Variants in RAB43 observed in about 807,000 individuals in gnomAD.
RAB43 encodes RAB43, member RAS oncogene family, also known as ras-related protein Rab-43.
In RAB43, 6 loss-of-function variants were observed where a neutral mutation model predicts 18.8. The ratio of observed to expected loss-of-function variants is 0.32; its 90% CI spans 0.17 to 0.63. The LOEUF (loss-of-function observed/expected upper bound fraction) is 0.63, where lower values mean the gene tolerates loss of function less well. Ranked by LOEUF, RAB43 falls within the 30% of genes least tolerant of loss-of-function variation. The probability of loss-of-function intolerance (pLI) is 0.79; values close to 1 mark genes in which losing one functional copy is unlikely to be tolerated. For missense variants in RAB43, 195 were observed against 289.1 expected (o/e 0.67, Z 2.36); for synonymous variants, 103 against 124.1 (o/e 0.83, Z 1.13).
chr3:129,113,071 C>T (rs57916547), intron 1 of RAB43, among the ~76,000 whole-genome samples: 5,232 of 151,960 alleles, frequency 0.034, 208 homozygotes, highest in East Asian at 0.11. Context: ...ATGAAACCTT[C>T]GGGAAATGCA....
chr3:129,094,990 C>T lies in RAB43; in HGVS notation c.384G>A (p.Leu128=), dbSNP rs778221699. The T allele has an allele frequency of 6.2e-7, 1 of 1,610,528 alleles. No individual in the cohort carries two copies. Among genetic ancestry groups the T allele is most frequent in the Non-Finnish European group, 8.5e-7 (1 of 1,177,910 alleles). ...KYAGSNIVQL[L]IGNKSDLSEL... ...CCCGAGGAATCCCCAACTCACCGAT[C>T]AGCAGCTGCACAATGTTGGAGCCCG... is the stretch of plus-strand genomic sequence containing the variant. The change falls in exon 2 of 3, where the codon CTG becomes CTA. Residue 128 remains leucine (L), a synonymous_variant. Transcript: ENST00000315150.
chr3:129,107,312 G>A lies in RAB43; in HGVS notation c.205-12143C>T, dbSNP rs548799611. Among the ~76,000 whole-genome samples the A allele has an allele frequency of 1.7e-4, 26 of 152,250 alleles. No individual in the cohort carries two copies. Among genetic ancestry groups the A allele is most frequent in the African/African-American group, 4.6e-4 (19 of 41,552 alleles). ...GGCACCTCCTGCAGGAATCAAACCCGTTCCTGAACAGCTTGGATGAGAAAA... is the reference window on the plus strand; with the variant it reads ...GGCACCTCCTGCAGGAATCAAACCCATTCCTGAACAGCTTGGATGAGAAAA... On this transcript the variant is annotated intron_variant, in intron 1 of 2. Coordinates refer to ENST00000315150, the MANE Select transcript of RAB43 (RefSeq NM_198490.3). The surrounding 1 kb of genome is among the most constrained non-coding windows in gnomAD (Gnocchi z 4.2).
At chr3:129,099,311 T>C (rs1281176431) in intron 1 of RAB43, among the ~76,000 whole-genome samples, 13 of 152,024 alleles carry the variant, frequency 8.6e-5, no homozygotes. Context: ...CAGGATGGTC[T>C]TGATCTCCTG....
At chr3:129,111,216 G>C (rs1332064343) in intron 1 of RAB43, among the ~76,000 whole-genome samples, 1 of 151,856 alleles carries the variant, frequency 6.6e-6, no homozygotes, top group Non-Finnish European at 1.5e-5. Flanking sequence ...GCTTCTAGTA[G>C]AGCTTCAAGA....
Position 129,095,603 on chromosome 3 carries a change from G to C in RAB43, c.205-434C>G, listed in dbSNP as rs141270407. Among the ~76,000 whole-genome samples, 317 of 152,336 alleles carry C rather than the reference G, an allele frequency of 2.1e-3. 1 individual carries two copies. The highest frequency in any genetic ancestry group is 0.015 in the South Asian group (71 of 4,832). ...CTACAAGAGCATCACGTACCCAGCT[G>C]TGTGTGAGGCTCCTCCAGCATTAGG... On this transcript the variant is annotated intron_variant, in intron 1 of 2. Transcript: ENST00000315150. This position sits in a 1 kb window ranked among gnomAD's most constrained non-coding sequence, Gnocchi z 4.2.
chr3:129,106,650 C>T (rs1934802212), intron 1 of RAB43, among the ~76,000 whole-genome samples: 3 of 152,144 alleles, frequency 2.0e-5, no homozygotes, highest in African/African-American at 4.8e-5. Flanking sequence ...GCTGGACCAG[C>T]GACACAGGCT....
chr3:129,100,248 A>AG (rs1176812404), intron 1 of RAB43, among the ~76,000 whole-genome samples: 1 of 152,044 alleles, frequency 6.6e-6, no homozygotes, highest in Admixed American at 6.6e-5. Flanking sequence ...GAAAGAAAAA[A>AG]CTCTCAATGC....
At chr3:129,093,992 A>G (rs1933849788) in intron 2 of RAB43, among the ~76,000 whole-genome samples, 1 of 152,226 alleles carries the variant, frequency 6.6e-6, no homozygotes, top group Non-Finnish European at 1.5e-5. Flanking sequence ...CATAAGAGCT[A>G]AAGAGCTTCT....
intron 1 of RAB43, among the ~76,000 whole-genome samples, chr3:129,108,648 C>T (rs1412336643): frequency 6.6e-6 from 1 of 152,218 alleles, no homozygotes; most frequent in African/African-American, 2.4e-5. Context: ...ACAACCATAA[C>T]TAAGCTCGAC....
At chr3:129,104,798 T>C (rs1180998007) in intron 1 of RAB43, among the ~76,000 whole-genome samples, 2 of 152,266 alleles carry the variant, frequency 1.3e-5, no homozygotes, top group South Asian at 2.1e-4. Flanking sequence ...GACAAGGCAG[T>C]GCTGTTCTCG....
chr3:129,110,847 C>G (rs902842612), intron 1 of RAB43, among the ~76,000 whole-genome samples: 17 of 150,476 alleles, frequency 1.1e-4, no homozygotes, highest in African/African-American at 4.1e-4. Context: ...GAATCACGCA[C>G]TTTAAGTGGG....
intron 1 of RAB43, among the ~76,000 whole-genome samples, chr3:129,099,551 T>G (rs750514385): frequency 1.3e-5 from 2 of 152,168 alleles, no homozygotes; most frequent in African/African-American, 2.4e-5. Context: ...CACACCCGGC[T>G]AATTTTGTAT....
At chr3:129,114,349 G>A (rs577514575) in intron 1 of RAB43, among the ~76,000 whole-genome samples, 1 of 152,230 alleles carries the variant, frequency 6.6e-6, no homozygotes, top group African/African-American at 2.4e-5. Flanking sequence ...GTAGGAGAGG[G>A]CACAAGACAG....
chr3:129,118,677 C>G (rs1935703820), intron 1 of RAB43, among the ~76,000 whole-genome samples: 1 of 152,184 alleles, frequency 6.6e-6, no homozygotes, highest in South Asian at 2.1e-4. Flanking sequence ...CCAAGACAGG[C>G]CCTGAGAAGG....
intron 2 of RAB43, among the ~76,000 whole-genome samples, chr3:129,093,349 C>T (rs1933807118): frequency 6.6e-6 from 1 of 152,110 alleles, no homozygotes. Flanking sequence ...TGGTGGCTCA[C>T]ACCTGTAATC....
chr3:129,104,566 G>T (rs900817705), intron 1 of RAB43, among the ~76,000 whole-genome samples: 2 of 152,224 alleles, frequency 1.3e-5, no homozygotes, highest in African/African-American at 4.8e-5. Flanking sequence ...ACTCAGCAAG[G>T]GTTGGCAGGT....
At chr3:129,099,961 A>G (rs1047605590) in intron 1 of RAB43, among the ~76,000 whole-genome samples, 3 of 152,216 alleles carry the variant, frequency 2.0e-5, no homozygotes, top group African/African-American at 7.2e-5. Flanking sequence ...GAATACTCAA[A>G]GAACTAATGA....
intron 1 of RAB43, among the ~76,000 whole-genome samples, chr3:129,116,569 T>C (rs1935540413): frequency 6.6e-6 from 1 of 152,224 alleles, no homozygotes. Flanking sequence ...TATCCCGCCC[T>C]GCCCCCTCTT....
chr3:129,108,159 T>C (rs1178934975), intron 1 of RAB43, among the ~76,000 whole-genome samples: 2 of 152,232 alleles, frequency 1.3e-5, no homozygotes, highest in Admixed American at 1.3e-4. Flanking sequence ...GAATCTCTCA[T>C]GAATCTTCCA....
Sources: allele counts gnomAD v4.1 joint callset (sites outside exome capture counted in the v4.1 genomes callset), GRCh38; gene constraint gnomAD v4.1.1; non-coding constraint Gnocchi (gnomAD v3.1); transcripts MANE v1.5; gene names NCBI Gene and HGNC (gene_info 2026-07-23, HGNC 2026-07-21).